Variants in TSPAN7 observed in about 807,000 individuals in gnomAD.
The protein encoded by TSPAN7 is tetraspanin-7.
A neutral mutation model predicts 17.6 loss-of-function variants in TSPAN7; 1 was observed. The observed-to-expected ratio is 0.06, with a 90% confidence interval of 0.02 to 0.27. The LOEUF is 0.27. Among genes scored for constraint, TSPAN7 ranks in the 10% least tolerant of loss-of-function variants. The pLI is 1.00. For missense variants in TSPAN7, 112 were observed against 201.7 expected (o/e 0.56, Z 2.69); for synonymous variants, 78 against 79.0 (o/e 0.99, Z 0.07).
At chrX:38,654,022 C>T (rs1451292981) in intron 1 of TSPAN7, among the ~76,000 whole-genome samples, 1 of 111,574 alleles carries the variant, frequency 9.0e-6, no homozygotes, top group South Asian at 3.8e-4. Context: ...CCAGGATGGA[C>T]GATGCTGGCT....
chrX:38,622,486 T>C (rs771599046), intron 1 of TSPAN7, among the ~76,000 whole-genome samples: 7 of 112,165 alleles, frequency 6.2e-5, no homozygotes, highest in Non-Finnish European at 3.8e-5. Context: ...AGTTCTGAGC[T>C]GCAGTGAGCT....
intron 3 of TSPAN7, among the ~76,000 whole-genome samples, chrX:38,671,653 T>C (rs1436421238): frequency 8.9e-6 from 1 of 112,008 alleles, no homozygotes; most frequent in Non-Finnish European, 1.9e-5. Context: ...ACCTTCATTG[T>C]TGATCTTCAC....
At chrX:38,651,405 C>A (rs1333191859) in intron 1 of TSPAN7, among the ~76,000 whole-genome samples, 1 of 111,583 alleles carries the variant, frequency 9.0e-6, no homozygotes, top group African/African-American at 3.3e-5. Flanking sequence ...CCGAAGCTTG[C>A]AGTGAGCTGA....
intron 1 of TSPAN7, among the ~76,000 whole-genome samples, chrX:38,656,410 G>A (rs910453534): frequency 2.7e-5 from 3 of 111,631 alleles, no homozygotes; most frequent in African/African-American, 6.5e-5. Flanking sequence ...GTTACCTGAG[G>A]AATGGAAGCA....
At chrX:38,569,000 A>G (rs2069156542) in intron 1 of TSPAN7, among the ~76,000 whole-genome samples, 1 of 111,115 alleles carries the variant, frequency 9.0e-6, no homozygotes, top group Non-Finnish European at 1.9e-5. Flanking sequence ...CTCTGAAAAT[A>G]TTAGTAATTT....
chrX:38,590,229 T>C (rs1022382590), intron 1 of TSPAN7, among the ~76,000 whole-genome samples: 1 of 111,995 alleles, frequency 8.9e-6, no homozygotes, highest in Non-Finnish European at 1.9e-5. Flanking sequence ...CTCAGCCTCC[T>C]GACTAGCTGG....
chrX:38,662,738 A>T (rs1271483176), intron 1 of TSPAN7, among the ~76,000 whole-genome samples: 4 of 111,372 alleles, frequency 3.6e-5, no homozygotes, highest in Non-Finnish European at 5.7e-5. Context: ...AAGCTTCTGA[A>T]CAGAGCTGGT....
At chrX:38,650,987 A>G (rs2069672460) in intron 1 of TSPAN7, among the ~76,000 whole-genome samples, 1 of 109,280 alleles carries the variant, frequency 9.2e-6, no homozygotes, top group Admixed American at 9.8e-5. Context: ...TGTGTCCTTG[A>G]TGAGAGCTAT....
intron 1 of TSPAN7, among the ~76,000 whole-genome samples, chrX:38,625,410 GGTTCTAGTTGATAATGAAAGCAGAA>G (rs773061511): frequency 1.5e-3 from 164 of 111,632 alleles, no homozygotes; most frequent in Admixed American, 0.013. Flanking sequence ...CAGGTGGCTG[GGTTCTAGTTGATAATGAAAGCAGAA>G]GTAACGTATG....
chrX:38,622,679 C>T (rs772329649), intron 1 of TSPAN7, among the ~76,000 whole-genome samples: 2 of 112,426 alleles, frequency 1.8e-5, no homozygotes, highest in South Asian at 7.5e-4. Context: ...AGATTGAGTG[C>T]CATGTTGGCA....
intron 1 of TSPAN7, among the ~76,000 whole-genome samples, chrX:38,646,800 AT>A (rs1463271448): frequency 1.6e-4 from 18 of 112,311 alleles, no homozygotes; most frequent in Non-Finnish European, 3.0e-4. Context: ...CACAGGTGCA[AT>A]TATGTACTTC....
At chrX:38,616,919 CA>C (rs2069458868) in intron 1 of TSPAN7, among the ~76,000 whole-genome samples, 1 of 112,126 alleles carries the variant, frequency 8.9e-6, no homozygotes, top group Admixed American at 9.4e-5. Flanking sequence ...AATCACCTTC[CA>C]GTGACTCTAA....
chrX:38,681,101 C>G, intron 5 of TSPAN7, 103 bp from the exon 6 acceptor site: 2 of 630,286 alleles, frequency 3.2e-6, no homozygotes, highest in Non-Finnish European at 2.7e-6. Flanking sequence ...ATTGTATTTG[C>G]TGAATTAAGG....
At chrX:38,568,691 C>T (rs2069155062) in intron 1 of TSPAN7, among the ~76,000 whole-genome samples, 1 of 111,353 alleles carries the variant, frequency 9.0e-6, no homozygotes. Flanking sequence ...ACCTTTCAAT[C>T]TGGTCCTTGA....
intron 1 of TSPAN7, among the ~76,000 whole-genome samples, chrX:38,591,979 G>A (rs917255489): frequency 1.3e-4 from 14 of 111,762 alleles, no homozygotes; most frequent in African/African-American, 3.9e-4. Flanking sequence ...CATGGCTGGC[G>A]GAGGCCTCAG....
chrX:38,577,511 G>T (rs934359495), intron 1 of TSPAN7, among the ~76,000 whole-genome samples: 1 of 108,809 alleles, frequency 9.2e-6, no homozygotes, highest in African/African-American at 3.4e-5. Flanking sequence ...CATGTCCTTT[G>T]TAGGGACATG....
At chrX:38,651,146 C>G (rs1403852662) in intron 1 of TSPAN7, among the ~76,000 whole-genome samples, 3 of 109,657 alleles carry the variant, frequency 2.7e-5, no homozygotes, top group Non-Finnish European at 3.8e-5. Context: ...ATAAGGTGTA[C>G]CCAAAGTCTT....
chrX:38,597,412 T>G (rs2069323808), intron 1 of TSPAN7, among the ~76,000 whole-genome samples: 1 of 111,403 alleles, frequency 9.0e-6, no homozygotes, highest in African/African-American at 3.3e-5. Context: ...ACTATAGTGC[T>G]GAAGGGCTGT....
intron 1 of TSPAN7, among the ~76,000 whole-genome samples, chrX:38,570,431 G>T (rs2069163912): frequency 9.0e-6 from 1 of 111,299 alleles, no homozygotes; most frequent in Admixed American, 9.6e-5. Flanking sequence ...GCTGAATTTT[G>T]GTCTAAATAG....
Sources: allele counts gnomAD v4.1 joint callset (sites outside exome capture counted in the v4.1 genomes callset), GRCh38; gene constraint gnomAD v4.1.1; transcripts MANE v1.5; gene names NCBI Gene and HGNC (gene_info 2026-07-23, HGNC 2026-07-21).